The following ADAM33 variants were observed in gnomAD, a reference collection of about 807,000 sequenced individuals.
The protein encoded by ADAM33 is disintegrin and metalloproteinase domain-containing protein 33.
In ADAM33, 103 loss-of-function variants were observed where a neutral mutation model predicts 106.2. That is an observed-to-expected ratio of 0.97 (90% CI 0.83 to 1.14). The LOEUF is 1.14. Ranked by LOEUF, ADAM33 falls within the 50% of genes most tolerant of loss-of-function variation. The pLI, the probability that ADAM33 is intolerant of heterozygous loss-of-function variation, is 0.00. For missense variants in ADAM33, 1,120 were observed against 1,096.6 expected (o/e 1.02, Z -0.30); for synonymous variants, 483 against 453.0 (o/e 1.07, Z -0.84).
chr20:3,673,600 C>A lies in ADAM33; in HGVS notation c.964G>T (p.Ala322Ser). Residue 322 changes from alanine (A) to serine (S), a missense_variant, in exon 10 of 22, where the codon GCC becomes TCC. Ala to Ser is a moderately conservative substitution (Grantham distance 99). Coordinates refer to ENST00000356518, the MANE Select transcript of ADAM33 (RefSeq NM_025220.5). ...GTGCTCACGCCTCCCGAGCTCTCGGCGCGGCACATGCCCTCGACGGGCGCC... is the reference window on the plus strand; with the variant it reads ...GTGCTCACGCCTCCCGAGCTCTCGGAGCGGCACATGCCCTCGACGGGCGCC... The part of the protein sequence containing the change: ...GLAPVEGMCR[A>S]ESSGGVSTDH... 7.3e-7 allele frequency: 1 copy of A among 1,371,218 alleles called. No individual in the cohort carries two copies. Among genetic ancestry groups the A allele is most frequent in the Non-Finnish European group, 9.3e-7 (1 of 1,069,826 alleles). The allele number at this position is 1,371,218 out of a possible 1,614,324, so 84.9% of individuals were successfully genotyped here. A position where few individuals can be genotyped will look rare whatever the true frequency, so the allele number is the denominator to read the frequency against.
chr20:3,672,446 C>T, intron 13 of ADAM33, 91 bp downstream of exon 13: 1 of 1,579,444 alleles, frequency 6.3e-7, no homozygotes, highest in Non-Finnish European at 8.6e-7. Context: ...CAGCACCCAA[C>T]GGGGGAACCT....
intron 2 of ADAM33, among the ~76,000 whole-genome samples, chr20:3,679,156 G>GTTTT (rs2088233841): frequency 4.4e-5 from 3 of 68,160 alleles, no homozygotes; most frequent in Non-Finnish European, 7.6e-5. Flanking sequence ...TTTTTTTTTA[G>GTTTT]AGGCTCCTGA....
rs2087543796 is a variant in ADAM33, at chr20:3,671,677, T to C, written c.1809A>G (p.Glu603=). The C allele has an allele frequency of 6.3e-7, 1 of 1,585,378 alleles. No homozygotes were observed. The highest frequency in any genetic ancestry group is 8.6e-7 in the Non-Finnish European group (1 of 1,165,388). ...GTGCCAAGGCTCCCCGACAAGTCAC[T>C]TCCTGGCCATCTAGGTGAACGGTAG... ...VDSTVHLDGQ[E]VTCRGALALP... The change falls in exon 16 of 22, where the codon GAA becomes GAG. Residue 603 remains glutamate (E), a synonymous_variant. Coordinates refer to ENST00000356518, the MANE Select transcript of ADAM33 (RefSeq NM_025220.5).
Position 3,673,495 on chromosome 20 carries a change from T to C in ADAM33, c.992A>G (p.Asp331Gly). The C allele has an allele frequency of 6.7e-7, 1 of 1,494,884 alleles. No homozygotes were observed. The highest frequency in any genetic ancestry group is 8.8e-7 in the Non-Finnish European group (1 of 1,130,844). The allele number at this position is 1,494,884 out of a possible 1,614,324, so 92.6% of individuals were successfully genotyped here. ...GGCGCCGATGGGGAGCTCCGAGTGG[T>C]CCTGGGGGGCCGTGGGAGGGCGGTC... ...RAESSGGVSTDHSELPIGAAA... is the reference protein window; with the variant it reads ...RAESSGGVSTGHSELPIGAAA... The change falls in exon 11 of 22, where the codon GAC becomes GGC. Residue 331 changes from aspartate (D) to glycine (G), a missense_variant and splice_region_variant. Coordinates refer to ENST00000356518, the MANE Select transcript of ADAM33 (RefSeq NM_025220.5).
rs1178731230 is a variant in ADAM33 at position 3,675,105 on chromosome 20, G to A, written c.255C>T (p.His85=). Reference sequence around the variant, plus strand: ...CTATGTATCCTGGGGCCAGCAGCCTGCTGAGAGGGGGTGTTACAGGGAACA... The same window carrying A: ...CTATGTATCCTGGGGCCAGCAGCCTACTGAGAGGGGGTGTTACAGGGAACA... ...QELLLELEKN[H]RLLAPGYIET... Residue 85 remains histidine (H), a splice_region_variant and synonymous_variant, in exon 4 of 22, where the codon CAC becomes CAT. Transcript: ENST00000356518. This position sits in a 1 kb window ranked among gnomAD's most constrained non-coding sequence, Gnocchi z 4.1. The A allele has an allele frequency of 1.2e-6, 2 of 1,610,526 alleles. No individual in the cohort carries two copies. The highest frequency in any genetic ancestry group is 1.3e-5 in the African/African-American group (1 of 74,862).
At chr20:3,669,447 A>T in intron 20 of ADAM33, 77 bp from the exon 21 acceptor site, 1 of 1,546,460 alleles carries the variant, frequency 6.5e-7, no homozygotes, top group Non-Finnish European at 8.7e-7. Context: ...GGCATAGGGG[A>T]CTCAAGGTGA....
rs1193802375 is a variant in ADAM33 at position 3,673,343 on chromosome 20, C to T, written c.1133+11G>A. ...CCGCCCCGCCGCAGCCCCGACCCCC[C>T]ACCCGCGTACCCGGTGGCCGCAGCC... On this transcript the variant is annotated intron_variant, in intron 11 of 21. Coordinates refer to ENST00000356518, the MANE Select transcript of ADAM33 (RefSeq NM_025220.5). The T allele has an allele frequency of 2.6e-6, 4 of 1,537,692 alleles. No individual in the cohort carries two copies. The highest frequency in any genetic ancestry group is 2.4e-5 in the East Asian group (1 of 41,098).
intron 11 of ADAM33, chr20:3,673,100 T>C: frequency 6.9e-7 from 1 of 1,452,890 alleles, no homozygotes; most frequent in Non-Finnish European, 9.0e-7. Flanking sequence ...CAAGGTGGAA[T>C]CGCGACCCGA....
At position 3,669,545 on chromosome 20, in the gene ADAM33, C is replaced by T. The variant is rs1183697336; in HGVS notation, c.2332+1G>A. ...CCACCTCCCCCTGGTGCCTCACTCA[C>T]CCAGGGGCCAGGGCTGTCCAGTGGC... On this transcript the variant is annotated splice_donor_variant, in intron 20 of 21. Coordinates refer to ENST00000356518, the MANE Select transcript of ADAM33 (RefSeq NM_025220.5). LOFTEE classifies it high-confidence loss of function. The T allele has an allele frequency of 1.9e-6, 3 of 1,584,422 alleles. No homozygotes were observed. The highest frequency in any genetic ancestry group is 3.6e-5 in the Admixed American group (2 of 55,110).
intron 15 of ADAM33, 33 bp downstream of exon 15, chr20:3,671,844 C>A: frequency 6.4e-7 from 1 of 1,551,578 alleles, no homozygotes; most frequent in East Asian, 2.4e-5. Context: ...CACTCCATAG[C>A]TTCTGCTCCC....
intron 18 of ADAM33, 41 bp downstream of exon 18, chr20:3,671,196 C>T (rs376892102): frequency 9.9e-6 from 16 of 1,612,552 alleles, no homozygotes; most frequent in Non-Finnish European, 1.3e-5. Context: ...TGAGCAGGTG[C>T]ACCACCCCAG....
At chr20:3,676,238 G>C (rs763068209) in intron 3 of ADAM33, among the ~76,000 whole-genome samples, 6 of 137,288 alleles carry the variant, frequency 4.4e-5, no homozygotes, top group Non-Finnish European at 7.9e-5. Context: ...CAAAATCTTT[G>C]GCTCTGGATG....
chr20:3,671,520 G>A (rs1230722859), intron 16 of ADAM33, 24 bp from the exon 17 acceptor site: 2 of 1,609,918 alleles, frequency 1.2e-6, no homozygotes, highest in African/African-American at 1.3e-5. Context: ...ACCAGGCAGT[G>A]AGGGGGACAC....
chr20:3,668,849 C>A lies in ADAM33; in HGVS notation c.*114G>T. ...ACTCGGGGAAGAAACTTCCAAGCTGCCTGCAGGTGCTGGAGGTCCGGTGAT... is the reference window on the plus strand; with the variant it reads ...ACTCGGGGAAGAAACTTCCAAGCTGACTGCAGGTGCTGGAGGTCCGGTGAT... On this transcript the variant is annotated 3_prime_UTR_variant, in exon 22 of 22. Transcript: ENST00000356518. 1.6e-6 allele frequency: 2 copies of A among 1,289,196 alleles called. No individual in the cohort carries two copies. The highest frequency in any genetic ancestry group is 3.4e-5 in the Admixed American group (2 of 59,300). The allele number at this position is 1,289,196 out of a possible 1,614,324, so 79.9% of individuals were successfully genotyped here.
chr20:3,681,997 C>A lies in ADAM33; in HGVS notation c.8G>T (p.Trp3Leu). 6.6e-7 allele frequency: 1 copy of A among 1,524,080 alleles called. No homozygotes were observed. The allele number at this position is 1,524,080 out of a possible 1,614,324, so 94.4% of individuals were successfully genotyped here. MGWRPRRARGTPL... is the reference protein window; with the variant it reads MGLRPRRARGTPL... ...GGTCCCCCGAGCTCTCCGGGGCCTCCAGCCCATAGCTGTGAGCTCCTCGGC... is the reference window on the plus strand; with the variant it reads ...GGTCCCCCGAGCTCTCCGGGGCCTCAAGCCCATAGCTGTGAGCTCCTCGGC... The change falls in exon 1 of 22, where the codon TGG becomes TTG. Residue 3 changes from tryptophan to leucine, a missense_variant. Trp to Leu is a moderately conservative substitution (Grantham distance 61). Transcript: ENST00000356518.
chr20:3,671,924 T>G lies in ADAM33; in HGVS notation c.1659A>C (p.Gly553=). 1 of 1,555,746 alleles carries G rather than the reference T, an allele frequency of 6.4e-7. No individual in the cohort carries two copies. Among genetic ancestry groups the G allele is most frequent in the Non-Finnish European group, 8.7e-7 (1 of 1,149,154 alleles). The change falls in exon 15 of 22, where the codon GGA becomes GGC. Residue 553 remains glycine (G), a synonymous_variant. Transcript: ENST00000356518. ...GGCCCTCGCTGTCCTGGCCGCAGTT[T>G]CCATGAGCATCTCCCGCAGAGTTCA... The part of the protein sequence containing the change: ...QVVNSAGDAH[G]NCGQDSEGHF...
At chr20:3,678,779 C>G (rs1336698103) in intron 2 of ADAM33, among the ~76,000 whole-genome samples, 1 of 152,250 alleles carries the variant, frequency 6.6e-6, no homozygotes, top group African/African-American at 2.4e-5. Flanking sequence ...TCCCCAAGCT[C>G]TCTGGGCTTC....
In ADAM33 at chr20:3,673,784, A is replaced by C; in HGVS notation, c.866T>G (p.Leu289Arg). The C allele has an allele frequency of 6.5e-7, 1 of 1,533,238 alleles. No individual in the cohort carries two copies. The highest frequency in any genetic ancestry group is 8.7e-7 in the Non-Finnish European group (1 of 1,145,340). 95.0% of individuals were successfully genotyped at this position (1,533,238 alleles called of 1,614,324 possible). A position where few individuals can be genotyped will look rare whatever the true frequency, so the allele number is the denominator to read the frequency against. The change falls in exon 9 of 22, where the codon CTG (leucine) becomes CGG (arginine). Residue 289 changes from leucine (L) to arginine (R), a missense_variant. Transcript: ENST00000356518. ...LWAFLQWRRG[L>R]WAQRPHDSAQ... ...GGAGTCGTGGGGCCGCTGCGCCCAC[A>C]GCCCCCGGCGCCACTGCAGGAAGGC... is the stretch of plus-strand genomic sequence containing the variant.
At chr20:3,681,852 G>GCCA in intron 1 of ADAM33, 56 bp downstream of exon 1, 1 of 1,567,512 alleles carries the variant, frequency 6.4e-7, no homozygotes, top group Non-Finnish European at 8.6e-7. Flanking sequence ...ACCCATCCCC[G>GCCA]CCACCACCAC....
Sources: gnomAD v4.1 joint callset for allele counts (sites outside exome capture counted in the v4.1 genomes callset) on GRCh38, gnomAD v4.1.1 for gene constraint, Gnocchi (gnomAD v3.1) non-coding constraint, MANE v1.5 for transcripts, NCBI Gene and HGNC (gene_info 2026-07-23, HGNC 2026-07-21) for gene names.